SOX5: variants seen among roughly 807,000 people sequenced by gnomAD.
SOX5 encodes transcription factor SOX-5.
A neutral mutation model predicts 92.0 loss-of-function variants in SOX5; 9 were observed. The ratio of observed to expected loss-of-function variants is 0.10; its 90% CI spans 0.06 to 0.17. The LOEUF (loss-of-function observed/expected upper bound fraction) is 0.17, where lower values mean the gene tolerates loss of function less well. SOX5 is among the 10% of genes least tolerant of loss of function. The probability of loss-of-function intolerance (pLI) is 1.00; values close to 1 mark genes in which losing one functional copy is unlikely to be tolerated. For synonymous variants in SOX5, 344 were observed against 336.3 expected, an observed-to-expected ratio of 1.02 and a Z score of -0.25; for missense variants, 642 against 944.5, an observed-to-expected ratio of 0.68 and a Z score of 4.20.
At chr12:24,037,975 A>G (rs1420506593) in intron 4 of SOX5, among the ~76,000 whole-genome samples, 1 of 152,214 alleles carries the variant, frequency 6.6e-6, no homozygotes, top group African/African-American at 2.4e-5. Flanking sequence ...TGAATCATGC[A>G]TGTAAATATT....
intron 1 of SOX5, among the ~76,000 whole-genome samples, chr12:24,465,340 TC>T (rs1467804772): frequency 1.3e-5 from 2 of 152,226 alleles, no homozygotes; most frequent in Non-Finnish European, 2.9e-5. Context: ...ATTACATTGT[TC>T]CAAGTGCCTT....
intron 6 of SOX5, among the ~76,000 whole-genome samples, chr12:23,677,051 T>C (rs151100293): frequency 6.6e-6 from 1 of 152,358 alleles, no homozygotes; most frequent in East Asian, 1.9e-4. Context: ...AATTTCTTCT[T>C]ATAGTAGCAA....
At chr12:23,647,642 T>C (rs1323855795) in intron 7 of SOX5, among the ~76,000 whole-genome samples, 1 of 152,220 alleles carries the variant, frequency 6.6e-6, no homozygotes, top group African/African-American at 2.4e-5. Context: ...TTGCTGCAGC[T>C]TCTACATCAG....
chr12:24,183,193 T>C (rs766647725), intron 4 of SOX5, among the ~76,000 whole-genome samples: 25 of 152,348 alleles, frequency 1.6e-4, no homozygotes, highest in African/African-American at 5.5e-4. Flanking sequence ...TCTAAGGTCA[T>C]GTTTAGGCAA....
rs187713542 is a variant in SOX5 at position 24,428,848 on chromosome 12, C to T, written c.-250-60209G>A. On this transcript the variant is annotated intron_variant, in intron 1 of 4. Coordinates refer to the SOX5 transcript ENST00000446891. The stretch of plus-strand genomic sequence containing the variant: ...GCAACTTCAAGACAGCATAGTGAGC[C>T]GGTTAATGGATTATGTGTATGAGTG... 1.1e-4 allele frequency among the ~76,000 whole-genome samples: 16 copies of T among 149,710 alleles called. No homozygotes were observed. In the East Asian group the frequency reaches 3.0e-3, roughly 28 times the overall value.
intron 1 of SOX5, among the ~76,000 whole-genome samples, chr12:24,497,765 C>A (rs964923966): frequency 2.0e-5 from 3 of 152,118 alleles, no homozygotes; most frequent in Non-Finnish European, 2.9e-5. Context: ...TTCATTACAG[C>A]ACTATTCACA....
intron 4 of SOX5, among the ~76,000 whole-genome samples, chr12:24,152,139 T>C (rs1034471072): frequency 2.0e-5 from 3 of 152,196 alleles, no homozygotes; most frequent in African/African-American, 4.8e-5. Flanking sequence ...TATGAAATTC[T>C]TTAGGCTTTC....
In SOX5 at chr12:23,956,668, A is replaced by G. The variant is rs965006422; in HGVS notation, c.-1-60644T>C. Among the ~76,000 whole-genome samples, 5 of 148,954 alleles carry G rather than the reference A, an allele frequency of 3.4e-5. No individual in the cohort carries two copies. In the Admixed American group the frequency reaches 3.4e-4, roughly 10 times the overall value. On this transcript the variant is annotated intron_variant, in intron 4 of 4. Transcript: ENST00000446891. ...CTATTACTCCTTCCTTATTAATGCA[A>G]TGGTCTTGCCTAAGTCTTTTTTTTT...
chr12:24,281,337 T>C (rs1945177933), intron 2 of SOX5, among the ~76,000 whole-genome samples: 1 of 150,668 alleles, frequency 6.6e-6, no homozygotes, highest in South Asian at 2.1e-4. Context: ...ACGGAAAGGG[T>C]CATTGGCCTT....
chr12:24,012,890 GCACCCTAAATCTATT>G (rs1372596935), intron 4 of SOX5, among the ~76,000 whole-genome samples: 1 of 152,118 alleles, frequency 6.6e-6, no homozygotes, highest in Non-Finnish European at 1.5e-5. Context: ...TTCAGTAGAA[GCACCCTAAATCTATT>G]CAGTAGAAGC....
chr12:23,704,567 A>C (rs890285563), intron 6 of SOX5, among the ~76,000 whole-genome samples: 4 of 151,114 alleles, frequency 2.6e-5, no homozygotes, highest in Non-Finnish European at 4.4e-5. Flanking sequence ...AGTTGTTACC[A>C]CCAGTAAGAC....
intron 1 of SOX5, chr12:24,407,389 T>C: frequency 6.6e-6 from 1 of 152,172 alleles, no homozygotes; most frequent in East Asian, 1.9e-4. Context: ...GCTGCTGATA[T>C]GGTTAAGCAG....
intron 3 of SOX5, among the ~76,000 whole-genome samples, chr12:23,842,185 T>C (rs995881620): frequency 6.6e-6 from 1 of 152,112 alleles, no homozygotes; most frequent in Admixed American, 6.6e-5. Flanking sequence ...GAAAGATATT[T>C]CCTATGGTAG....
At chr12:24,031,214 T>TATAC (rs397829172) in intron 4 of SOX5, among the ~76,000 whole-genome samples, 10 of 151,224 alleles carry the variant, frequency 6.6e-5, no homozygotes, top group South Asian at 2.1e-4. Flanking sequence ...TATATATATA[T>TATAC]ACACAAAGGA....
chr12:23,915,593 A>C (rs1006657633), intron 1 of SOX5, among the ~76,000 whole-genome samples: 24 of 152,264 alleles, frequency 1.6e-4, no homozygotes, highest in Middle Eastern at 3.4e-3. Flanking sequence ...AATGACACCG[A>C]GAACTATACT....
intron 7 of SOX5, among the ~76,000 whole-genome samples, chr12:23,647,072 A>G (rs1218674126): frequency 6.6e-6 from 1 of 152,242 alleles, no homozygotes; most frequent in Non-Finnish European, 1.5e-5. Context: ...GTGACAGGTT[A>G]TGAAATGTAT....
chr12:23,622,316 A>G (rs184437583), intron 8 of SOX5, among the ~76,000 whole-genome samples: 2,835 of 49,926 alleles, frequency 0.057, 67 homozygotes, highest in African/African-American at 0.12. Context: ...ATAAAAAGAG[A>G]AAAAAAAAAG....
chr12:23,910,565 C>T (rs570364572), intron 1 of SOX5, among the ~76,000 whole-genome samples: 3 of 152,108 alleles, frequency 2.0e-5, no homozygotes, highest in African/African-American at 4.8e-5. Flanking sequence ...AAGCAAAACA[C>T]AATAAATGCC....
intron 4 of SOX5, among the ~76,000 whole-genome samples, chr12:23,741,714 G>C (rs2093803679): frequency 6.6e-6 from 1 of 152,124 alleles, no homozygotes; most frequent in Non-Finnish European, 1.5e-5. Flanking sequence ...ACAGTTAACT[G>C]AGCAAATATT....
Sources: allele counts gnomAD v4.1 joint callset (sites outside exome capture counted in the v4.1 genomes callset), GRCh38; gene constraint gnomAD v4.1.1; transcripts MANE v1.5; gene names NCBI Gene and HGNC (gene_info 2026-07-23, HGNC 2026-07-21).